RAB6A: variants seen among roughly 807,000 people sequenced by gnomAD.
The protein encoded by RAB6A is ras-related protein Rab-6A.
A neutral mutation model predicts 32.3 loss-of-function variants in RAB6A; 8 were observed. The observed-to-expected ratio is 0.25, with a 90% confidence interval of 0.15 to 0.45. The LOEUF (loss-of-function observed/expected upper bound fraction) is 0.45, where lower values mean the gene tolerates loss of function less well. Among genes scored for constraint, RAB6A ranks in the 20% least tolerant of loss-of-function variants. RAB6A has a pLI of 1.00. For synonymous variants in RAB6A, 73 were observed against 82.1 expected (o/e 0.89, Z 0.60); for missense variants, 104 against 249.4 (o/e 0.42, Z 3.93).
At position 73,741,656 on chromosome 11, in the gene RAB6A, T is replaced by C. The variant is rs1016377592; in HGVS notation, c.71-10833A>G. On this transcript the variant is annotated intron_variant, in intron 1 of 7. Transcript: ENST00000336083. ...CACAAACTGTGGTATATCCACACAATTGAGTATTATTCAGCACCAAAAAGA... is the reference window on the plus strand; with the variant it reads ...CACAAACTGTGGTATATCCACACAACTGAGTATTATTCAGCACCAAAAAGA... Among the ~76,000 whole-genome samples, 5 of 152,238 alleles carry C rather than the reference T, an allele frequency of 3.3e-5. No individual in the cohort carries two copies. The East Asian group carries it at 5.8e-4, about 18-fold the overall frequency.
chr11:73,699,374 T>G (rs1017960370), intron 6 of RAB6A, among the ~76,000 whole-genome samples: 1 of 152,204 alleles, frequency 6.6e-6, no homozygotes, highest in African/African-American at 2.4e-5. Context: ...CGGTCCCATC[T>G]CAGGCTCTCT....
At chr11:73,731,709 T>TACACACACACAC (rs1565369975) in intron 1 of RAB6A, among the ~76,000 whole-genome samples, 2 of 91,872 alleles carry the variant, frequency 2.2e-5, no homozygotes, top group South Asian at 3.7e-4. Flanking sequence ...TATATATATA[T>TACACACACACAC]ATATATATAT....
intron 2 of RAB6A, among the ~76,000 whole-genome samples, chr11:73,728,083 AT>A (rs1565368088): frequency 1.3e-5 from 2 of 152,238 alleles, no homozygotes; most frequent in Non-Finnish European, 2.9e-5. Flanking sequence ...AATAAAAAAA[AT>A]TTTAAAGAGT....
Position 73,693,748 on chromosome 11 carries a change from G to A in RAB6A, c.495+13672C>T, listed in dbSNP as rs562160097. Among the ~76,000 whole-genome samples, 6 of 151,802 alleles carry A rather than the reference G, an allele frequency of 4.0e-5. No individual in the cohort carries two copies. The East Asian group carries it at 5.8e-4, about 15-fold the overall frequency. On this transcript the variant is annotated intron_variant, in intron 6 of 7. Coordinates refer to ENST00000336083, the MANE Select transcript of RAB6A (RefSeq NM_198896.2). ...AAAATTTAAAAAATCAGGTGTGGTG[G>A]TGGACGCCTGTAGTCCCTACTTGGG... is the stretch of plus-strand genomic sequence containing the variant.
chr11:73,692,909 C>T (rs1000894810), intron 6 of RAB6A, among the ~76,000 whole-genome samples: 2 of 151,436 alleles, frequency 1.3e-5, no homozygotes, highest in Non-Finnish European at 2.9e-5. Flanking sequence ...TGCAGTGAGC[C>T]GAGATCGCGC....
chr11:73,719,967 T>C (rs1946110260), intron 3 of RAB6A, among the ~76,000 whole-genome samples: 1 of 150,630 alleles, frequency 6.6e-6, no homozygotes, highest in African/African-American at 2.4e-5. Context: ...TAAAAGAGAA[T>C]ATTCAGGAAA....
Position 73,677,484 on chromosome 11 carries a change from G to C in RAB6A, c.*414C>G, listed in dbSNP as rs1945287360. The C allele has an allele frequency of 3.2e-6, 1 of 313,854 alleles. No individual in the cohort carries two copies. Among genetic ancestry groups the C allele is most frequent in the African/African-American group, 2.2e-5 (1 of 45,582 alleles). The allele number at this position is 313,854 out of a possible 1,614,324, so 19.4% of individuals were successfully genotyped here. A position where few individuals can be genotyped will look rare whatever the true frequency, so the allele number is the denominator to read the frequency against. On this transcript the variant is annotated 3_prime_UTR_variant, in exon 8 of 8. Transcript: ENST00000336083. ...AGGCTAGGTAAGAATAGGGTAATAG[G>C]GAATGGGGGTAAGTGAGAGGTGAGA...
chr11:73,737,986 C>T (rs1481325973), intron 1 of RAB6A, among the ~76,000 whole-genome samples: 2 of 103,416 alleles, frequency 1.9e-5, no homozygotes, highest in African/African-American at 7.4e-5. Context: ...CAGAGGGAGA[C>T]TCCATCTCAA....
At chr11:73,760,228 G>T in intron 1 of RAB6A, 1 of 791,272 alleles carries the variant, frequency 1.3e-6, no homozygotes, top group Non-Finnish European at 1.9e-6. Flanking sequence ...CAAGAAAGGG[G>T]GCCGGGGTAC....
intron 2 of RAB6A, among the ~76,000 whole-genome samples, chr11:73,723,916 T>C (rs1946178655): frequency 6.6e-6 from 1 of 152,222 alleles, no homozygotes; most frequent in Admixed American, 6.5e-5. Context: ...CATATCTATA[T>C]ACTGTAAACC....
At chr11:73,681,564 G>A (rs979860402) in intron 6 of RAB6A, among the ~76,000 whole-genome samples, 2 of 152,232 alleles carry the variant, frequency 1.3e-5, no homozygotes, top group African/African-American at 4.8e-5. Context: ...TGTAATCTCA[G>A]CACTTTGGGA....
At chr11:73,718,212 C>CT (rs1209177611) in intron 4 of RAB6A, among the ~76,000 whole-genome samples, 1 of 152,134 alleles carries the variant, frequency 6.6e-6, no homozygotes, top group African/African-American at 2.4e-5. Context: ...CTAGCAGAAG[C>CT]TTGTAATAGC....
intron 1 of RAB6A, among the ~76,000 whole-genome samples, chr11:73,748,445 A>G (rs981265884): frequency 6.6e-6 from 1 of 152,214 alleles, no homozygotes; most frequent in African/African-American, 2.4e-5. Flanking sequence ...CTAAGAGTTC[A>G]AGGTTACAGT....
chr11:73,687,325 T>C (rs1471380146), intron 6 of RAB6A, among the ~76,000 whole-genome samples: 1 of 152,128 alleles, frequency 6.6e-6, no homozygotes, highest in African/African-American at 2.4e-5. Flanking sequence ...CACTATAGTG[T>C]GAATGTACTT....
intron 6 of RAB6A, among the ~76,000 whole-genome samples, chr11:73,704,907 A>G (rs943331123): frequency 5.9e-5 from 9 of 151,636 alleles, no homozygotes; most frequent in African/African-American, 2.2e-4. Flanking sequence ...GAGGCAGGAG[A>G]ATGGCGTGAA....
At position 73,676,870 on chromosome 11, in the gene RAB6A, C is replaced by T. The variant is rs1243900360; in HGVS notation, c.*1028G>A. On this transcript the variant is annotated 3_prime_UTR_variant, in exon 8 of 8. Transcript: ENST00000336083. Reference sequence around the variant, plus strand: ...TAATTCAGTAGTTTTGATCGTAGCGCCAAATTTAAATTCTTCCACTGGTTC... The same window carrying T: ...TAATTCAGTAGTTTTGATCGTAGCGTCAAATTTAAATTCTTCCACTGGTTC... The T allele has an allele frequency of 6.0e-6, 1 of 166,934 alleles. No individual in the cohort carries two copies. Among genetic ancestry groups the T allele is most frequent in the Non-Finnish European group, 1.5e-5 (1 of 68,094 alleles). The allele number at this position is 166,934 out of a possible 1,614,324, so 10.3% of individuals were successfully genotyped here.
chr11:73,691,150 G>A (rs1374498510), intron 6 of RAB6A, among the ~76,000 whole-genome samples: 1 of 152,148 alleles, frequency 6.6e-6, no homozygotes, highest in East Asian at 1.9e-4. Flanking sequence ...CACTGTTAAT[G>A]AAGGTCCAAT....
chr11:73,728,610 A>AAATAATAATAATAATAATAAC lies in RAB6A; in HGVS notation c.129+2154_129+2155insGTTATTATTATTATTATTATT, dbSNP rs1946259375. On this transcript the variant is annotated intron_variant, in intron 2 of 7. Coordinates refer to ENST00000336083, the MANE Select transcript of RAB6A (RefSeq NM_198896.2). ...CAACATAGCAAATCTGTCTTTGTTT[A>AAATAATAATAATAATAATAAC]AATAATAATAATAATAATAATAATA... 2.9e-5 allele frequency among the ~76,000 whole-genome samples: 4 copies of AAATAATAATAATAATAATAAC among 136,468 alleles called. No homozygotes were observed. The South Asian group carries it at 9.7e-4, about 33-fold the overall frequency. 89.5% of individuals were successfully genotyped at this position (136,468 alleles called of 152,430 possible).
At chr11:73,703,381 T>C (rs1004125754) in intron 6 of RAB6A, among the ~76,000 whole-genome samples, 5 of 152,196 alleles carry the variant, frequency 3.3e-5, no homozygotes, top group African/African-American at 1.2e-4. Flanking sequence ...ATAAAGTATA[T>C]TATCATTCAT....
Sources: gnomAD v4.1 joint callset for allele counts (sites outside exome capture counted in the v4.1 genomes callset) on GRCh38, gnomAD v4.1.1 for gene constraint, MANE v1.5 for transcripts, NCBI Gene and HGNC (gene_info 2026-07-23, HGNC 2026-07-21) for gene names.